The following CSMD1 variants were observed in gnomAD, a reference collection of about 807,000 sequenced individuals.
CSMD1 encodes the protein CUB and sushi domain-containing protein 1.
In CSMD1, 213 loss-of-function variants were observed where a neutral mutation model predicts 417.5. That is an observed-to-expected ratio of 0.51 (90% CI 0.46 to 0.57). CSMD1 has a LOEUF of 0.57. Ranked by LOEUF, CSMD1 falls within the 20% of genes least tolerant of loss-of-function variation. The pLI, the probability that CSMD1 is intolerant of heterozygous loss-of-function variation, is 0.00. For synonymous variants in CSMD1, 2,862 were observed against 1,736.8 expected, an observed-to-expected ratio of 1.65 and a Z score of -16.11; for missense variants, 6,923 against 4,529.7, an observed-to-expected ratio of 1.53 and a Z score of -15.17.
At chr8:4,398,447 G>A (rs1295268240) in intron 3 of CSMD1, among the ~76,000 whole-genome samples, 2 of 136,252 alleles carry the variant, frequency 1.5e-5, no homozygotes, top group Non-Finnish European at 3.1e-5. Flanking sequence ...AGGCTGGAGC[G>A]CAGTGGTGCG....
chr8:4,864,897 A>C (rs73183464), intron 1 of CSMD1, among the ~76,000 whole-genome samples: 2,537 of 50,320 alleles, frequency 0.05, 69 homozygotes, highest in African/African-American at 0.1. Context: ...CACACACACA[A>C]ACACACACAC....
In CSMD1 at chr8:3,664,768, T is replaced by G. The variant is rs7825770; in HGVS notation, c.1009+43646A>C. The stretch of plus-strand genomic sequence containing the variant: ...CCAGGTTAACATTGAAAATAAAGAG[T>G]ACATCCTGACACTGGTAAAACTGTA... On this transcript the variant is annotated intron_variant, in intron 7 of 69. Transcript: ENST00000635120. Among the ~76,000 whole-genome samples the G allele has an allele frequency of 8.2e-3, 1,243 of 152,208 alleles. 15 individuals carry two copies. Among genetic ancestry groups the G allele is most frequent in the African/African-American group, 0.028 (1,175 of 41,530 alleles).
chr8:4,010,775 C>T (rs564170636), intron 4 of CSMD1, among the ~76,000 whole-genome samples: 105 of 152,316 alleles, frequency 6.9e-4, no homozygotes, highest in African/African-American at 2.4e-3. Flanking sequence ...CACTTCCTTG[C>T]ATTTACCATA....
chr8:3,453,828 C>A (rs1815917323), intron 12 of CSMD1, among the ~76,000 whole-genome samples: 2 of 152,170 alleles, frequency 1.3e-5, no homozygotes, highest in South Asian at 2.1e-4. Context: ...TCTATTAGAT[C>A]TGCTTGGTGC....
intron 41 of CSMD1, among the ~76,000 whole-genome samples, chr8:3,120,825 G>A (rs1464961430): frequency 4.6e-5 from 7 of 151,952 alleles, no homozygotes; most frequent in Admixed American, 2.0e-4. Context: ...CCAGCCTGGC[G>A]ACACAGTGAG....
intron 1 of CSMD1, among the ~76,000 whole-genome samples, chr8:4,960,791 T>G (rs1308647917): frequency 6.6e-6 from 1 of 152,170 alleles, no homozygotes; most frequent in African/African-American, 2.4e-5. Context: ...GAACAGATGA[T>G]CATCTGTTAT....
chr8:3,678,007 G>C (rs529590644), intron 7 of CSMD1, among the ~76,000 whole-genome samples: 43 of 152,216 alleles, frequency 2.8e-4, no homozygotes, highest in Admixed American at 1.2e-3. Context: ...TGGGGTGTCT[G>C]CCTATCTTCA....
At chr8:4,699,420 T>C (rs1433613257) in intron 1 of CSMD1, among the ~76,000 whole-genome samples, 5 of 152,194 alleles carry the variant, frequency 3.3e-5, no homozygotes, top group Non-Finnish European at 7.3e-5. Flanking sequence ...TTAATGCCTG[T>C]TCTATTGTCA....
At chr8:3,910,650 C>G (rs1808403138) in intron 5 of CSMD1, among the ~76,000 whole-genome samples, 1 of 152,100 alleles carries the variant, frequency 6.6e-6, no homozygotes, top group Non-Finnish European at 1.5e-5. Context: ...AATAAGAAAA[C>G]AGACTGATAT....
intron 3 of CSMD1, among the ~76,000 whole-genome samples, chr8:4,123,668 T>A (rs138883998): frequency 1.3e-3 from 192 of 152,334 alleles, no homozygotes; most frequent in African/African-American, 4.4e-3. Context: ...ACTCTTAAAG[T>A]GGGAAAACCT....
At chr8:4,873,354 G>T (rs188273971) in intron 1 of CSMD1, among the ~76,000 whole-genome samples, 416 of 152,168 alleles carry the variant, frequency 2.7e-3, no homozygotes, top group Non-Finnish European at 3.9e-3. Flanking sequence ...TGGTTTGTAT[G>T]AACATGACAC....
intron 12 of CSMD1, among the ~76,000 whole-genome samples, chr8:3,456,638 C>T (rs574901450): frequency 1.3e-5 from 2 of 152,218 alleles, no homozygotes; most frequent in East Asian, 1.9e-4. Flanking sequence ...TCCTAGTGGA[C>T]GTGTTTCAGT....
intron 3 of CSMD1, among the ~76,000 whole-genome samples, chr8:4,370,981 G>C (rs1412522472): frequency 1.3e-5 from 2 of 152,196 alleles, no homozygotes; most frequent in Non-Finnish European, 2.9e-5. Flanking sequence ...TGATTGTTTG[G>C]AGGCAAGAAG....
chr8:3,545,547 G>T (rs536287102), intron 10 of CSMD1, among the ~76,000 whole-genome samples: 1 of 152,092 alleles, frequency 6.6e-6, no homozygotes, highest in Non-Finnish European at 1.5e-5. Context: ...ACTCTAATGT[G>T]ATGTAGACTA....
At chr8:3,344,785 C>G (rs569145499) in intron 22 of CSMD1, among the ~76,000 whole-genome samples, 5 of 152,088 alleles carry the variant, frequency 3.3e-5, no homozygotes, top group Non-Finnish European at 7.3e-5. Context: ...GATATAGATA[C>G]TCAGAAAAGG....
At chr8:4,187,338 A>T (rs1208398069) in intron 3 of CSMD1, among the ~76,000 whole-genome samples, 1 of 152,146 alleles carries the variant, frequency 6.6e-6, no homozygotes. Context: ...GTTTTAACTG[A>T]CACAGGTAAG....
At chr8:3,602,063 T>C (rs184452748) in intron 8 of CSMD1, among the ~76,000 whole-genome samples, 1 of 152,270 alleles carries the variant, frequency 6.6e-6, no homozygotes, top group East Asian at 1.9e-4. Context: ...ATTCTGGAGA[T>C]GGATGGTGGT....
chr8:4,977,565 C>G (rs996714900), intron 1 of CSMD1, among the ~76,000 whole-genome samples: 5 of 152,206 alleles, frequency 3.3e-5, no homozygotes, highest in African/African-American at 1.2e-4. Flanking sequence ...GTGGCTGGCT[C>G]CAGCCCGCCT....
Position 2,974,445 on chromosome 8 carries a change from C to A in CSMD1, c.8740+6G>T, listed in dbSNP as rs1804743590. ...AATTCTGTCAGTTCACTCGTAAGCC[C>A]CTCACCTGTGCAGTGGGGCAGTGCC... On this transcript the variant is annotated splice_donor_region_variant and intron_variant, in intron 56 of 69. Coordinates refer to ENST00000635120, the MANE Select transcript of CSMD1 (RefSeq NM_033225.6). 1 of 1,576,490 alleles carries A rather than the reference C, an allele frequency of 6.3e-7. No individual in the cohort carries two copies. Among genetic ancestry groups the A allele is most frequent in the Non-Finnish European group, 8.6e-7 (1 of 1,157,792 alleles).
Sources: allele counts gnomAD v4.1 joint callset (sites outside exome capture counted in the v4.1 genomes callset), GRCh38; gene constraint gnomAD v4.1.1; transcripts MANE v1.5; gene names NCBI Gene and HGNC (gene_info 2026-07-23, HGNC 2026-07-21).